The following KAZN variants were observed in gnomAD, a reference collection of about 807,000 sequenced individuals.
KAZN encodes the protein kazrin.
A neutral mutation model predicts 87.4 loss-of-function variants in KAZN; 40 were observed. The ratio of observed to expected loss-of-function variants is 0.46; its 90% CI spans 0.36 to 0.60. The LOEUF (loss-of-function observed/expected upper bound fraction) is 0.60, where lower values mean the gene tolerates loss of function less well. Ranked by LOEUF, KAZN falls within the 20% of genes least tolerant of loss-of-function variation. The pLI is 0.00. For missense variants in KAZN, 898 were observed against 1,073.9 expected (o/e 0.84, Z 2.29); for synonymous variants, 466 against 458.3 (o/e 1.02, Z -0.22).
At chr1:14,808,775 A>G (rs1413206564) in intron 1 of KAZN, among the ~76,000 whole-genome samples, 1 of 152,178 alleles carries the variant, frequency 6.6e-6, no homozygotes, top group African/African-American at 2.4e-5. Context: ...CAATAAATAA[A>G]TCTCATTTCT....
At chr1:14,995,936 G>A (rs544953402) in intron 2 of KAZN, among the ~76,000 whole-genome samples, 1 of 152,178 alleles carries the variant, frequency 6.6e-6, no homozygotes, top group South Asian at 2.1e-4. Flanking sequence ...TTTACAGTGT[G>A]GATTTCCAAC....
intron 2 of KAZN, among the ~76,000 whole-genome samples, chr1:14,449,450 C>T (rs893540575): frequency 1.3e-5 from 2 of 152,202 alleles, no homozygotes; most frequent in Admixed American, 1.3e-4. Context: ...CTTGCACTGA[C>T]CTTGAGCTTA....
At chr1:15,067,382 C>T (rs1358439071) in intron 8 of KAZN, 7 of 985,286 alleles carry the variant, frequency 7.1e-6, no homozygotes, top group Non-Finnish European at 8.4e-6. Flanking sequence ...TGGCGTTGGC[C>T]CCAAAGAGGC....
At chr1:14,053,424 A>G (rs1642422905) in intron 1 of KAZN, among the ~76,000 whole-genome samples, 1 of 152,184 alleles carries the variant, frequency 6.6e-6, no homozygotes, top group Non-Finnish European at 1.5e-5. Context: ...CCTGACCTAC[A>G]GAACTGTGCA....
chr1:14,771,084 C>T (rs749905111), intron 1 of KAZN, among the ~76,000 whole-genome samples: 2 of 152,118 alleles, frequency 1.3e-5, no homozygotes, highest in Non-Finnish European at 2.9e-5. Context: ...GAGGAGGGTG[C>T]GGGGTGAGCA....
At chr1:14,913,933 A>G (rs1244140338) in intron 1 of KAZN, among the ~76,000 whole-genome samples, 2 of 152,148 alleles carry the variant, frequency 1.3e-5, no homozygotes, top group Admixed American at 6.5e-5. Flanking sequence ...GGTGCAGAAG[A>G]CCTTCAGGAT....
chr1:14,816,514 G>T (rs889178527), intron 1 of KAZN, among the ~76,000 whole-genome samples: 4 of 152,164 alleles, frequency 2.6e-5, no homozygotes, highest in Non-Finnish European at 5.9e-5. Context: ...TGCCCTCAGG[G>T]CTTCCTCAAC....
chr1:14,933,455 T>C (rs1660083007), intron 1 of KAZN, among the ~76,000 whole-genome samples: 1 of 152,138 alleles, frequency 6.6e-6, no homozygotes, highest in Non-Finnish European at 1.5e-5. Flanking sequence ...TGGAACCACA[T>C]CTGGAAGTAC....
chr1:13,960,371 G>A (rs552739036), intron 1 of KAZN, among the ~76,000 whole-genome samples: 4 of 152,146 alleles, frequency 2.6e-5, no homozygotes, highest in African/African-American at 7.2e-5. Flanking sequence ...CTTTAGAGCC[G>A]ATCGTTTGAT....
At chr1:14,795,122 G>C (rs568607755) in intron 1 of KAZN, among the ~76,000 whole-genome samples, 20 of 152,096 alleles carry the variant, frequency 1.3e-4, no homozygotes, top group African/African-American at 4.8e-4. Context: ...TGGCTTTCTT[G>C]CTCCTCCCTC....
At chr1:14,066,033 C>G (rs763577484) in intron 1 of KAZN, among the ~76,000 whole-genome samples, 1 of 152,108 alleles carries the variant, frequency 6.6e-6, no homozygotes, top group East Asian at 1.9e-4. Flanking sequence ...CTCCGTATGC[C>G]TTTGCTACCC....
intron 1 of KAZN, among the ~76,000 whole-genome samples, chr1:14,074,324 C>G (rs1036350088): frequency 2.0e-5 from 3 of 152,194 alleles, no homozygotes; most frequent in African/African-American, 7.2e-5. Flanking sequence ...TCTGTGCCAC[C>G]TCACAAGGAG....
At chr1:15,038,574 AT>A (rs1672572413) in intron 3 of KAZN, among the ~76,000 whole-genome samples, 1 of 151,556 alleles carries the variant, frequency 6.6e-6, no homozygotes, top group African/African-American at 2.4e-5. Context: ...CATGAATGTG[AT>A]ATTACCAATA....
chr1:15,090,265 A>C (rs535000445), intron 8 of KAZN, among the ~76,000 whole-genome samples: 1 of 152,060 alleles, frequency 6.6e-6, no homozygotes, highest in East Asian at 1.9e-4. Flanking sequence ...GCCACATATC[A>C]CCTCTCCTCT....
Position 14,112,298 on chromosome 1 carries a change from C to T in KAZN, c.92-68137C>T, listed in dbSNP as rs1015461558. Among the ~76,000 whole-genome samples the T allele has an allele frequency of 4.5e-5, 6 of 134,032 alleles. 2 individuals are homozygous for T. The highest frequency in any genetic ancestry group is 3.8e-3 in the Middle Eastern group (1 of 260). The allele number at this position is 134,032 out of a possible 152,430, so 87.9% of individuals were successfully genotyped here. A position where few individuals can be genotyped will look rare whatever the true frequency, so the allele number is the denominator to read the frequency against. On this transcript the variant is annotated intron_variant, in intron 1 of 16. Transcript: ENST00000636203. The stretch of plus-strand genomic sequence containing the variant: ...GAGCTCCTGATCTGGTGTGTTCATT[C>T]GTGTATCTGCAGCACTGAGAACACT...
chr1:13,969,897 T>C (rs1423732379), intron 1 of KAZN, among the ~76,000 whole-genome samples: 1 of 152,192 alleles, frequency 6.6e-6, no homozygotes, highest in Non-Finnish European at 1.5e-5. Flanking sequence ...ACATTATTGA[T>C]TCTTAAACTG....
At chr1:14,986,490 G>C (rs1271925951) in intron 2 of KAZN, among the ~76,000 whole-genome samples, 1 of 152,168 alleles carries the variant, frequency 6.6e-6, no homozygotes, top group East Asian at 1.9e-4. Context: ...ATCCCAGAAA[G>C]TGCTGACCTG....
intron 1 of KAZN, among the ~76,000 whole-genome samples, chr1:14,777,747 T>G (rs185035460): frequency 1.4e-4 from 21 of 152,298 alleles, no homozygotes; most frequent in African/African-American, 4.8e-4. Flanking sequence ...TATTGTTACT[T>G]TTTGATTATA....
intron 2 of KAZN, among the ~76,000 whole-genome samples, chr1:14,437,851 C>T (rs1367163420): frequency 6.6e-6 from 1 of 152,170 alleles, no homozygotes; most frequent in East Asian, 1.9e-4. Context: ...TTTGAAGTGA[C>T]AGCAACAAAG....
Sources: allele counts gnomAD v4.1 joint callset (sites outside exome capture counted in the v4.1 genomes callset), GRCh38; gene constraint gnomAD v4.1.1; transcripts MANE v1.5; gene names NCBI Gene and HGNC (gene_info 2026-07-23, HGNC 2026-07-21).